The following ADAMTS17 variants were observed in gnomAD, a reference collection of about 807,000 sequenced individuals.
ADAMTS17 encodes the protein ADAM metallopeptidase with thrombospondin type 1 motif 17.
Under a neutral mutation model 141.5 loss-of-function variants are expected in ADAMTS17, and 113 were observed. That is an observed-to-expected ratio of 0.80 (90% CI 0.69 to 0.93). The LOEUF (loss-of-function observed/expected upper bound fraction) is 0.93, where lower values mean the gene tolerates loss of function less well. Among genes scored for constraint, ADAMTS17 ranks in the 40% least tolerant of loss-of-function variants. The pLI, the probability that ADAMTS17 is intolerant of heterozygous loss-of-function variation, is 0.00. For synonymous variants in ADAMTS17, 768 were observed against 630.6 expected (o/e 1.22, Z -3.27); for missense variants, 1,659 against 1,517.9 (o/e 1.09, Z -1.54).
intron 15 of ADAMTS17, among the ~76,000 whole-genome samples, chr15:100,055,257 C>T (rs530619206): frequency 1.3e-5 from 2 of 152,188 alleles, no homozygotes; most frequent in Non-Finnish European, 2.9e-5. Context: ...TCTCTGCTTA[C>T]TGAGGCCAGA....
intron 14 of ADAMTS17, among the ~76,000 whole-genome samples, chr15:100,101,076 G>A (rs2036070429): frequency 6.6e-6 from 1 of 152,146 alleles, no homozygotes; most frequent in Admixed American, 6.5e-5. Context: ...TGGCTCCTTT[G>A]TGCCAGCCTC....
Position 99,997,679 on chromosome 15 carries a change from C to T in ADAMTS17, c.2592-90G>A. On this transcript the variant is annotated intron_variant, in intron 18 of 21. Transcript: ENST00000268070. The surrounding 1 kb of genome is among the most constrained non-coding windows in gnomAD (Gnocchi z 4.7). ...TCCGGCCGGATCCTGGAATTGCTGCCCTGTGGTGGGAGAGAGGGAGGCAGA... is the reference window on the plus strand; with the variant it reads ...TCCGGCCGGATCCTGGAATTGCTGCTCTGTGGTGGGAGAGAGGGAGGCAGA... 6.5e-7 allele frequency: 1 copy of T among 1,535,492 alleles called. No individual in the cohort carries two copies.
At chr15:100,286,276 A>T (rs1468055881) in intron 3 of ADAMTS17, among the ~76,000 whole-genome samples, 1 of 152,152 alleles carries the variant, frequency 6.6e-6, no homozygotes, top group Non-Finnish European at 1.5e-5. Context: ...GGCAGAGCCC[A>T]TCCCACCGCC....
chr15:100,279,467 G>A (rs1331089324), intron 4 of ADAMTS17, among the ~76,000 whole-genome samples: 1 of 152,212 alleles, frequency 6.6e-6, no homozygotes, highest in African/African-American at 2.4e-5. Context: ...CGGCTGCTGT[G>A]TCCCCACTGA....
At chr15:100,009,206 G>A (rs2061105004) in intron 18 of ADAMTS17, among the ~76,000 whole-genome samples, 1 of 152,196 alleles carries the variant, frequency 6.6e-6, no homozygotes, top group Non-Finnish European at 1.5e-5. Flanking sequence ...GAAGAGGCAT[G>A]AGACCTGCTG....
intron 15 of ADAMTS17, among the ~76,000 whole-genome samples, chr15:100,084,592 C>T (rs777878368): frequency 6.6e-6 from 1 of 152,208 alleles, no homozygotes; most frequent in Non-Finnish European, 1.5e-5. Context: ...GAGGCACCCC[C>T]CTGTAGGGGC....
intron 10 of ADAMTS17, among the ~76,000 whole-genome samples, chr15:100,137,236 C>T (rs72770253): frequency 0.065 from 9,860 of 152,070 alleles, 423 homozygotes; most frequent in African/African-American, 0.11. Flanking sequence ...ATTCATGGGA[C>T]GGAAACCCAG....
intron 15 of ADAMTS17, among the ~76,000 whole-genome samples, chr15:100,076,302 C>G (rs1298222142): frequency 1.3e-5 from 2 of 152,142 alleles, no homozygotes; most frequent in East Asian, 3.8e-4. Context: ...CCCGGCCTCC[C>G]AAAGTGCTGG....
chr15:100,125,849 G>C (rs982922059), intron 12 of ADAMTS17, among the ~76,000 whole-genome samples: 1 of 152,100 alleles, frequency 6.6e-6, no homozygotes, highest in Non-Finnish European at 1.5e-5. Context: ...ATTGTGTGTG[G>C]GGGGACTCTC....
At chr15:100,134,252 C>G (rs2038210606) in intron 10 of ADAMTS17, among the ~76,000 whole-genome samples, 1 of 152,228 alleles carries the variant, frequency 6.6e-6, no homozygotes, top group Non-Finnish European at 1.5e-5. Context: ...ACAGCAGTCA[C>G]TTACTCAGGA....
In ADAMTS17 at chr15:100,153,017, C is replaced by A. The variant is rs140839790; in HGVS notation, c.1323-255G>T. On this transcript the variant is annotated intron_variant, in intron 9 of 21. Transcript: ENST00000268070. The stretch of plus-strand genomic sequence containing the variant: ...AGACTCGGGAGGGGCATAGGAACGA[C>A]ATCCACAAGGCTGATGGACTTTTAC... Among the ~76,000 whole-genome samples, 344 of 40,072 alleles carry A rather than the reference C, an allele frequency of 8.6e-3. 1 individual carries two copies. Among genetic ancestry groups the A allele is most frequent in the African/African-American group, 0.017 (315 of 18,190 alleles). The allele number at this position is 40,072 out of a possible 152,430, so 26.3% of individuals were successfully genotyped here.
In ADAMTS17 at chr15:100,146,653, C is replaced by T. The variant is rs568620841; in HGVS notation, c.1473+5959G>A. On this transcript the variant is annotated intron_variant, in intron 10 of 21. Transcript: ENST00000268070. ...AGAGATAACCTTAAACTCTGACTGC[C>T]GGTGAGCCAGGCGGAACAGAGCCAT... is the stretch of plus-strand genomic sequence containing the variant. 4.2e-4 allele frequency among the ~76,000 whole-genome samples: 32 copies of T among 75,522 alleles called. No homozygotes were observed. The East Asian group carries it at 9.4e-3, about 22-fold the overall frequency. 49.5% of individuals were successfully genotyped at this position (75,522 alleles called of 152,430 possible).
chr15:100,051,585 C>A lies in ADAMTS17; in HGVS notation c.2442G>T (p.Val814=). ...ACGGCCACTCACCTCCGCCGCACTGCACACTGCACCCTTCCCAGCCGCTGT... is the reference window on the plus strand; with the variant it reads ...ACGGCCACTCACCTCCGCCGCACTGAACACTGCACCCTTCCCAGCCGCTGT... The part of the protein sequence containing the change: ...WTHSGWEGCS[V]QCGGGERRTI... The change falls in exon 17 of 22, where the codon GTG becomes GTT. Residue 814 remains valine (V), a synonymous_variant. Transcript: ENST00000268070. 1 of 1,613,838 alleles carries A rather than the reference C, an allele frequency of 6.2e-7. No homozygotes were observed. Among genetic ancestry groups the A allele is most frequent in the Non-Finnish European group, 8.5e-7 (1 of 1,179,956 alleles).
chr15:100,183,825 C>CAGTTT (rs990216500), intron 8 of ADAMTS17, among the ~76,000 whole-genome samples: 143 of 152,310 alleles, frequency 9.4e-4, no homozygotes, highest in African/African-American at 3.3e-3. Flanking sequence ...ATTCCAATGA[C>CAGTTT]AGTTTAGTTT....
chr15:100,290,157 G>C (rs868059432), intron 3 of ADAMTS17, among the ~76,000 whole-genome samples: 4 of 152,156 alleles, frequency 2.6e-5, no homozygotes, highest in Middle Eastern at 3.4e-3. Flanking sequence ...GATAACTCCA[G>C]CAAAGTTTCA....
At chr15:100,227,066 C>T (rs568365347) in intron 7 of ADAMTS17, among the ~76,000 whole-genome samples, 19 of 152,218 alleles carry the variant, frequency 1.2e-4, no homozygotes, top group African/African-American at 4.3e-4. Flanking sequence ...GGCTCTCCTC[C>T]CTCCCACCAT....
chr15:100,220,356 T>C (rs11638023), intron 7 of ADAMTS17, among the ~76,000 whole-genome samples: 41,553 of 152,056 alleles, frequency 0.27, 6,318 homozygotes, highest in East Asian at 0.63. Context: ...TTTTCTTGTC[T>C]TTGCCACCTT....
chr15:100,238,885 G>C (rs1021618595), intron 7 of ADAMTS17, among the ~76,000 whole-genome samples: 2 of 152,190 alleles, frequency 1.3e-5, no homozygotes, highest in Non-Finnish European at 2.9e-5. Flanking sequence ...AGGAGTTCAA[G>C]ACCAGCCTGG....
chr15:100,108,661 G>A (rs1238489218), intron 14 of ADAMTS17, among the ~76,000 whole-genome samples: 3 of 152,166 alleles, frequency 2.0e-5, no homozygotes, highest in African/African-American at 7.2e-5. Flanking sequence ...AATGGGGCCT[G>A]GCTTGTGCAG....
Sources: allele counts gnomAD v4.1 joint callset (sites outside exome capture counted in the v4.1 genomes callset), GRCh38; gene constraint gnomAD v4.1.1; non-coding constraint Gnocchi (gnomAD v3.1); transcripts MANE v1.5; gene names NCBI Gene and HGNC (gene_info 2026-07-23, HGNC 2026-07-21).